The following ACTMAP variants were observed in gnomAD, a reference collection of about 807,000 sequenced individuals.
The protein encoded by ACTMAP is UPF0692 protein C19orf54.
chr19:40,744,835 C>CAGGGCTGG, the ACTMAP span: 1 of 1,253,178 alleles, frequency 8.0e-7, no homozygotes, highest in African/African-American at 1.5e-5. Flanking sequence ...GGGGAGAGCC[C>CAGGGCTGG]AGGGCTGGAG....
the ACTMAP span, chr19:40,745,277 GTA>G: frequency 1.5e-6 from 2 of 1,363,630 alleles, no homozygotes; most frequent in East Asian, 2.5e-5. Flanking sequence ...GGGAGTGGTC[GTA>G]TCCAGGGATG....
chr19:40,742,248 C>A, the ACTMAP span: 1 of 730,084 alleles, frequency 1.4e-6, no homozygotes, highest in Non-Finnish European at 2.4e-6. Context: ...AGGGTCCGGG[C>A]TGTTGTCAAT....
chr19:40,741,164 G>A, the ACTMAP span: 6 of 396,904 alleles, frequency 1.5e-5, no homozygotes, highest in South Asian at 1.3e-4. Context: ...CACTGTGGCC[G>A]GGCTCAGTGG....
the ACTMAP span, chr19:40,749,356 A>C: frequency 1.1e-6 from 1 of 951,994 alleles, no homozygotes; most frequent in Non-Finnish European, 1.6e-6. Flanking sequence ...GAAGAGATCT[A>C]GGTGGGGGAC....
the ACTMAP span, chr19:40,742,852 G>A: frequency 1.0e-5 from 14 of 1,342,440 alleles, no homozygotes; most frequent in Admixed American, 8.6e-5. Flanking sequence ...GCCCTCTCCC[G>A]GCCCTCCAGG....
chr19:40,742,396 T>G, the ACTMAP span: 1 of 1,442,532 alleles, frequency 6.9e-7, no homozygotes, highest in Non-Finnish European at 9.1e-7. Context: ...TTCAAATGGT[T>G]ACCGAGCTAG....
At chr19:40,749,743 G>T in the ACTMAP span, 8 of 1,494,328 alleles carry the variant, frequency 5.4e-6, no homozygotes, top group Admixed American at 1.1e-4. Context: ...CTGGCTTGGG[G>T]TACAGGGGTT....
the ACTMAP span, chr19:40,742,738 G>A: frequency 6.2e-7 from 1 of 1,611,106 alleles, no homozygotes; most frequent in Non-Finnish European, 8.5e-7. Flanking sequence ...GTGTAGCCGA[G>A]ACTGGGCACA....
At chr19:40,742,409 T>C in the ACTMAP span, 1 of 1,450,740 alleles carries the variant, frequency 6.9e-7, no homozygotes, top group Admixed American at 2.8e-5. Context: ...CGAGCTAGGC[T>C]GCAGCCTGAG....
the ACTMAP span, chr19:40,743,775 G>T: frequency 8.7e-7 from 1 of 1,147,928 alleles, no homozygotes. Context: ...GGCCCAGCCT[G>T]CCCGGTGCTA....
chr19:40,748,073 A>G, the ACTMAP span, among the ~76,000 whole-genome samples: 2 of 152,164 alleles, frequency 1.3e-5, no homozygotes, highest in African/African-American at 4.8e-5. Flanking sequence ...ATTTAAACAC[A>G]ACAGCGCCTG....
chr19:40,747,720 G>A, the ACTMAP span, among the ~76,000 whole-genome samples: 1 of 151,968 alleles, frequency 6.6e-6, no homozygotes, highest in South Asian at 2.1e-4. Flanking sequence ...CAAAAAACTA[G>A]CCGGGCATGG....
At chr19:40,749,584 C>T in the ACTMAP span, 113 of 1,551,008 alleles carry the variant, frequency 7.3e-5, no homozygotes, top group Non-Finnish European at 3.8e-5. Flanking sequence ...TTCTCCAGGC[C>T]GAAGACATGA....
chr19:40,747,711 A>C, the ACTMAP span, among the ~76,000 whole-genome samples: 1 of 151,954 alleles, frequency 6.6e-6, no homozygotes, highest in Non-Finnish European at 1.5e-5. Context: ...ATATATGTAC[A>C]AAAAACTAGC....
the ACTMAP span, chr19:40,741,651 G>A: frequency 3.8e-5 from 17 of 447,298 alleles, no homozygotes; most frequent in Middle Eastern, 7.3e-4. Context: ...GGAGCCAGGA[G>A]ACAGCCTGGC....
the ACTMAP span, chr19:40,749,419 C>CCCCA: frequency 1.4e-6 from 2 of 1,470,062 alleles, no homozygotes; most frequent in Non-Finnish European, 1.8e-6. Flanking sequence ...CCCCCCACCC[C>CCCCA]AAGAGATCTG....
At chr19:40,746,458 C>T in the ACTMAP span, among the ~76,000 whole-genome samples, 1 of 152,036 alleles carries the variant, frequency 6.6e-6, no homozygotes, top group Admixed American at 6.5e-5. Context: ...TCACTGCAAG[C>T]TCTGCCTCCC....
the ACTMAP span, among the ~76,000 whole-genome samples, chr19:40,747,860 T>TG: frequency 1.3e-5 from 2 of 151,826 alleles, no homozygotes; most frequent in East Asian, 3.9e-4. Context: ...AGCAAGACCC[T>TG]GTCCCAAAAA....
chr19:40,747,173 C>T, the ACTMAP span, among the ~76,000 whole-genome samples: 2 of 151,972 alleles, frequency 1.3e-5, no homozygotes, highest in South Asian at 2.1e-4. Context: ...TGGGGGGGTG[C>T]GGACTCAGAG....
Sources: allele counts gnomAD v4.1 joint callset (sites outside exome capture counted in the v4.1 genomes callset), GRCh38; gene constraint gnomAD v4.1.1; transcripts MANE v1.5; gene names NCBI Gene and HGNC (gene_info 2026-07-23, HGNC 2026-07-21).